SRBD1: variants seen among roughly 807,000 people sequenced by gnomAD.
SRBD1 encodes the protein S1 RNA-binding domain-containing protein 1.
SRBD1 carries 88 observed loss-of-function variants against 115.3 expected under a neutral mutation model. The ratio of observed to expected loss-of-function variants is 0.76; its 90% confidence interval spans 0.64 to 0.91. SRBD1 has a LOEUF of 0.91. Ranked by LOEUF, SRBD1 falls within the 40% of genes least tolerant of loss-of-function variation. SRBD1 has a pLI of 0.00. For synonymous variants in SRBD1, 509 were observed against 407.7 expected (o/e 1.25, Z -2.99); for missense variants, 1,385 against 1,177.4 (o/e 1.18, Z -2.58).
intron 16 of SRBD1, among the ~76,000 whole-genome samples, chr2:45,475,562 G>T (rs1264990081): frequency 6.6e-6 from 1 of 152,174 alleles, no homozygotes; most frequent in African/African-American, 2.4e-5. Context: ...GAAGTCAATA[G>T]CTTATTAGCC....
intron 16 of SRBD1, among the ~76,000 whole-genome samples, chr2:45,428,665 A>T (rs1668236376): frequency 6.6e-6 from 1 of 152,194 alleles, no homozygotes; most frequent in Admixed American, 6.5e-5. Flanking sequence ...CAGCTAAAGC[A>T]GCATTTAAAA....
intron 4 of SRBD1, among the ~76,000 whole-genome samples, chr2:45,590,200 C>A (rs1469464601): frequency 6.6e-6 from 1 of 152,254 alleles, no homozygotes; most frequent in Non-Finnish European, 1.5e-5. Flanking sequence ...CGAAAGAGAT[C>A]TGACCTAACC....
At chr2:45,527,539 T>A (rs1037778691) in intron 14 of SRBD1, among the ~76,000 whole-genome samples, 1 of 151,052 alleles carries the variant, frequency 6.6e-6, no homozygotes, top group Admixed American at 6.6e-5. Flanking sequence ...GAAAACAGGA[T>A]GAGCAAAAAT....
intron 16 of SRBD1, among the ~76,000 whole-genome samples, chr2:45,452,198 T>C (rs898333078): frequency 1.3e-5 from 2 of 152,016 alleles, no homozygotes; most frequent in Admixed American, 1.3e-4. Flanking sequence ...ACAGTTCAAT[T>C]TCTCATTTTC....
chr2:45,608,720 T>C (rs1284066916), intron 1 of SRBD1, among the ~76,000 whole-genome samples: 2 of 152,324 alleles, frequency 1.3e-5, no homozygotes, highest in Admixed American at 6.5e-5. Flanking sequence ...AATGGAACTC[T>C]TGATGACCAT....
chr2:45,552,647 T>C (rs1163018051), intron 11 of SRBD1, among the ~76,000 whole-genome samples: 2 of 152,238 alleles, frequency 1.3e-5, no homozygotes, highest in Non-Finnish European at 2.9e-5. Flanking sequence ...TTAAAGTGTA[T>C]GCCCTAGCTC....
chr2:45,490,170 G>A (rs1050492737), intron 14 of SRBD1, among the ~76,000 whole-genome samples: 5 of 152,116 alleles, frequency 3.3e-5, no homozygotes, highest in African/African-American at 4.8e-5. Flanking sequence ...AAAGCTTGTA[G>A]TGAAGAAAAT....
At chr2:45,459,042 A>C (rs1330323968) in intron 16 of SRBD1, among the ~76,000 whole-genome samples, 2 of 152,140 alleles carry the variant, frequency 1.3e-5, no homozygotes, top group Non-Finnish European at 2.9e-5. Flanking sequence ...TAACCAGATC[A>C]TGCATCCCAA....
chr2:45,452,149 T>A (rs552048425), intron 16 of SRBD1, among the ~76,000 whole-genome samples: 1 of 152,116 alleles, frequency 6.6e-6, no homozygotes, highest in Admixed American at 6.6e-5. Context: ...TAAGGAGTAA[T>A]TCAGGGACAT....
intron 14 of SRBD1, among the ~76,000 whole-genome samples, chr2:45,535,321 C>G (rs1671732278): frequency 6.6e-6 from 1 of 151,950 alleles, no homozygotes; most frequent in Admixed American, 6.6e-5. Flanking sequence ...ATTTTCCTAA[C>G]AGAAAATGAA....
At chr2:45,520,638 C>T (rs1226065059) in intron 14 of SRBD1, among the ~76,000 whole-genome samples, 1 of 152,090 alleles carries the variant, frequency 6.6e-6, no homozygotes, top group Non-Finnish European at 1.5e-5. Context: ...GCTCCAGGAG[C>T]AGATGAAGAG....
intron 2 of SRBD1, among the ~76,000 whole-genome samples, chr2:45,604,350 C>T (rs965238538): frequency 2.4e-5 from 3 of 125,358 alleles, no homozygotes; most frequent in Admixed American, 1.9e-4. Context: ...AGCCATAAGA[C>T]AAGATCAGCT....
At chr2:45,455,426 T>C (rs1043471630) in intron 16 of SRBD1, among the ~76,000 whole-genome samples, 1 of 151,882 alleles carries the variant, frequency 6.6e-6, no homozygotes, top group South Asian at 2.1e-4. Context: ...CTGCCTAAAT[T>C]ATTTTTGAAA....
At chr2:45,489,819 C>G (rs899239053) in intron 14 of SRBD1, among the ~76,000 whole-genome samples, 40 of 152,126 alleles carry the variant, frequency 2.6e-4, no homozygotes, top group African/African-American at 8.9e-4. Context: ...ACCAGGTAAC[C>G]CTTAAATAGT....
Position 45,599,450 on chromosome 2 carries a change from T to C in SRBD1, c.647A>G (p.Gln216Arg), listed in dbSNP as rs755379344. 2.7e-5 allele frequency: 44 copies of C among 1,612,462 alleles called. 1 individual carries two copies. In the South Asian group the frequency reaches 4.7e-4, roughly 17 times the overall value. ...EEVEMNWDMVQVLSERTNIEP... is the reference protein window; with the variant it reads ...EEVEMNWDMVRVLSERTNIEP... ...GTGACAGAAAAAGGCTGCACATACC[T>C]GTACCATGTCCCAATTCATTTCCAC... The change falls in exon 4 of 21, where the codon CAG (glutamine) becomes CGG (arginine). Residue 216 changes from glutamine (Q) to arginine (R), a missense_variant and splice_region_variant. Transcript: ENST00000263736.
At chr2:45,538,451 G>A (rs138572390) in intron 14 of SRBD1, among the ~76,000 whole-genome samples, 59 of 152,324 alleles carry the variant, frequency 3.9e-4, no homozygotes, top group Admixed American at 1.4e-3. Flanking sequence ...AAACTAACCT[G>A]CAAATCCCGA....
At chr2:45,579,822 AT>A in intron 7 of SRBD1, 52 bp downstream of exon 7, 7 of 1,464,626 alleles carry the variant, frequency 4.8e-6, no homozygotes, top group Non-Finnish European at 5.4e-6. Context: ...ACGTTTTTAA[AT>A]TAAAAAAAAA....
chr2:45,456,132 G>A (rs1445034459), intron 16 of SRBD1, among the ~76,000 whole-genome samples: 2 of 151,812 alleles, frequency 1.3e-5, no homozygotes, highest in Admixed American at 1.3e-4. Context: ...AAAAGCAGTG[G>A]GGGAAAGCTT....
At chr2:45,512,618 C>T (rs778595203) in intron 14 of SRBD1, among the ~76,000 whole-genome samples, 40 of 152,180 alleles carry the variant, frequency 2.6e-4, no homozygotes, top group Admixed American at 5.9e-4. Flanking sequence ...TTGTGCTTTA[C>T]GTGTAGGAGG....
Sources: gnomAD v4.1 joint callset for allele counts (sites outside exome capture counted in the v4.1 genomes callset) on GRCh38, gnomAD v4.1.1 for gene constraint, MANE v1.5 for transcripts, NCBI Gene and HGNC (gene_info 2026-07-23, HGNC 2026-07-21) for gene names.